The following XKR6 variants were observed in gnomAD, a reference collection of about 807,000 sequenced individuals.
The protein encoded by XKR6 is XK-related protein 6.
In XKR6, 22 loss-of-function variants were observed where a neutral mutation model predicts 56.7. That is an observed-to-expected ratio of 0.39 (90% CI 0.28 to 0.55). The LOEUF (loss-of-function observed/expected upper bound fraction) is 0.55. Ranked by LOEUF, XKR6 falls within the 20% of genes least tolerant of loss-of-function variation. XKR6 has a pLI of 0.66. For synonymous variants in XKR6, 524 were observed against 387.8 expected (o/e 1.35, Z -4.13); for missense variants, 852 against 889.0 (o/e 0.96, Z 0.53).
intron 1 of XKR6, among the ~76,000 whole-genome samples, chr8:11,038,562 T>C (rs1314229124): frequency 4.0e-5 from 6 of 150,192 alleles, no homozygotes; most frequent in Non-Finnish European, 8.9e-5. Flanking sequence ...TGAGGCAGGG[T>C]CTCGCTCTGT....
chr8:11,010,258 C>T (rs926587612), intron 1 of XKR6, among the ~76,000 whole-genome samples: 15 of 152,198 alleles, frequency 9.9e-5, no homozygotes, highest in African/African-American at 3.4e-4. Context: ...GGGAAGTCCA[C>T]CCCCATGATC....
intron 1 of XKR6, among the ~76,000 whole-genome samples, chr8:10,964,018 G>A (rs1337911642): frequency 6.6e-6 from 1 of 152,210 alleles, no homozygotes; most frequent in African/African-American, 2.4e-5. Context: ...GAGGGTGGTG[G>A]CAGGGACTGC....
chr8:11,140,788 C>T (rs1389472178), intron 1 of XKR6, among the ~76,000 whole-genome samples: 1 of 151,172 alleles, frequency 6.6e-6, no homozygotes, highest in South Asian at 2.1e-4. Flanking sequence ...GTCCCAGCTA[C>T]TCGGGAGGCT....
chr8:11,028,169 T>A (rs1586449528), intron 1 of XKR6, among the ~76,000 whole-genome samples: 1 of 152,338 alleles, frequency 6.6e-6, no homozygotes, highest in East Asian at 1.9e-4. Flanking sequence ...TTACTCTCTT[T>A]ATAGTTTTGC....
intron 1 of XKR6, among the ~76,000 whole-genome samples, chr8:11,143,606 T>G (rs927697564): frequency 6.6e-6 from 1 of 152,068 alleles, no homozygotes; most frequent in Non-Finnish European, 1.5e-5. Flanking sequence ...AAATGTATGA[T>G]GGGGTGAAGG....
At chr8:11,000,814 C>T (rs1009836045) in intron 1 of XKR6, among the ~76,000 whole-genome samples, 2 of 152,088 alleles carry the variant, frequency 1.3e-5, no homozygotes, top group African/African-American at 4.8e-5. Flanking sequence ...TGTGAAGGGC[C>T]GGAATGGAAG....
intron 1 of XKR6, among the ~76,000 whole-genome samples, chr8:11,051,539 G>T (rs1799548385): frequency 6.6e-6 from 1 of 152,110 alleles, no homozygotes; most frequent in Admixed American, 6.5e-5. Flanking sequence ...TTATCCAGTT[G>T]CTCAAGCCAA....
At chr8:11,153,230 A>C (rs1801348964) in intron 1 of XKR6, among the ~76,000 whole-genome samples, 3 of 152,134 alleles carry the variant, frequency 2.0e-5, no homozygotes, top group Admixed American at 2.0e-4. Context: ...TCAGATAACT[A>C]CTCCCAATTG....
chr8:11,135,237 G>A (rs1800326897), intron 1 of XKR6, among the ~76,000 whole-genome samples: 1 of 152,032 alleles, frequency 6.6e-6, no homozygotes, highest in Non-Finnish European at 1.5e-5. Context: ...CACCATGTTA[G>A]CCAGGATGGT....
At chr8:11,179,538 T>G (rs574344676) in intron 1 of XKR6, among the ~76,000 whole-genome samples, 3 of 152,262 alleles carry the variant, frequency 2.0e-5, no homozygotes, top group Admixed American at 6.5e-5. Context: ...TCTTTATAGT[T>G]ACATAGCCTT....
At chr8:10,911,205 T>C (rs1800349044) in intron 2 of XKR6, among the ~76,000 whole-genome samples, 1 of 139,350 alleles carries the variant, frequency 7.2e-6, no homozygotes, top group African/African-American at 2.9e-5. Flanking sequence ...TGTGCGTGTG[T>C]GTGTGTGTGT....
chr8:11,045,367 T>C (rs1441088658), intron 1 of XKR6, among the ~76,000 whole-genome samples: 3 of 152,068 alleles, frequency 2.0e-5, no homozygotes, highest in Admixed American at 6.5e-5. Flanking sequence ...GGATTATAGG[T>C]GTGAGCCACT....
intron 1 of XKR6, among the ~76,000 whole-genome samples, chr8:11,038,579 G>A (rs755122661): frequency 2.0e-5 from 3 of 150,494 alleles, no homozygotes; most frequent in Non-Finnish European, 4.4e-5. Flanking sequence ...CTGTCGCCTA[G>A]GCTGGAGTGC....
chr8:11,193,440 C>A (rs935679025), intron 1 of XKR6, among the ~76,000 whole-genome samples: 24 of 152,050 alleles, frequency 1.6e-4, no homozygotes, highest in Admixed American at 1.3e-3. Context: ...ATTAGAAATA[C>A]AGAAATGAAA....
chr8:11,200,369 G>C lies in XKR6; in HGVS notation c.764+207C>G, dbSNP rs564794408. Among the ~76,000 whole-genome samples, 1 of 152,222 alleles carries C rather than the reference G, an allele frequency of 6.6e-6. No individual in the cohort carries two copies. The highest frequency in any genetic ancestry group is 2.4e-5 in the African/African-American group (1 of 41,466). On this transcript the variant is annotated intron_variant, in intron 1 of 2. Transcript: ENST00000416569. The surrounding 1 kb of genome is among the most constrained non-coding windows in gnomAD (Gnocchi z 6.4). ...GAAGCGGGGACGAGGACGGGCCAAC[G>C]GCAGGTCTCGGCCTCCCCGGGCCAA...
intron 2 of XKR6, among the ~76,000 whole-genome samples, chr8:10,909,818 C>T (rs1276288718): frequency 1.3e-5 from 2 of 152,164 alleles, no homozygotes; most frequent in East Asian, 3.9e-4. Flanking sequence ...AGACTCTGTG[C>T]ATATGTTATT....
intron 1 of XKR6, among the ~76,000 whole-genome samples, chr8:11,165,185 C>T (rs897895344): frequency 2.7e-5 from 4 of 148,528 alleles, no homozygotes; most frequent in African/African-American, 7.5e-5. Flanking sequence ...CTGCAACCTC[C>T]GCCTCCCAGG....
chr8:11,049,519 G>A (rs1799492424), intron 1 of XKR6, among the ~76,000 whole-genome samples: 1 of 152,164 alleles, frequency 6.6e-6, no homozygotes, highest in African/African-American at 2.4e-5. Context: ...ACCAAGAGCT[G>A]AAGACCCTAC....
intron 1 of XKR6, among the ~76,000 whole-genome samples, chr8:11,182,170 G>T (rs76991669): frequency 6.6e-6 from 1 of 152,222 alleles, no homozygotes; most frequent in Non-Finnish European, 1.5e-5. Flanking sequence ...CCATGGCAGG[G>T]CTAGGGACTT....
Sources: gnomAD v4.1 joint callset for allele counts (sites outside exome capture counted in the v4.1 genomes callset) on GRCh38, gnomAD v4.1.1 for gene constraint, Gnocchi (gnomAD v3.1) non-coding constraint, MANE v1.5 for transcripts, NCBI Gene and HGNC (gene_info 2026-07-23, HGNC 2026-07-21) for gene names.